Variants in EYS observed in about 807,000 individuals in gnomAD.
EYS encodes the protein protein eyes shut homolog.
EYS carries 250 observed loss-of-function variants against 282.1 expected under a neutral mutation model. The ratio of observed to expected loss-of-function variants is 0.89; its 90% CI spans 0.80 to 0.98. The LOEUF is 0.98. Ranked by LOEUF, EYS falls within the 50% of genes least tolerant of loss-of-function variation. The pLI is 0.00. For missense variants in EYS, 4,016 were observed against 3,709.0 expected (o/e 1.08, Z -2.15); for synonymous variants, 1,355 against 1,282.9 (o/e 1.06, Z -1.20).
intron 2 of EYS, among the ~76,000 whole-genome samples, chr6:65,617,191 G>A (rs1192446811): frequency 6.6e-6 from 1 of 151,812 alleles, no homozygotes; most frequent in Admixed American, 6.6e-5. Context: ...AAGAAATGTT[G>A]ACCTGGAGAA....
chr6:65,654,353 TA>T (rs1767748059), intron 1 of EYS, among the ~76,000 whole-genome samples: 1 of 151,848 alleles, frequency 6.6e-6, no homozygotes, highest in Non-Finnish European at 1.5e-5. Flanking sequence ...TAAGATTGTA[TA>T]CAAGAAATCC....
intron 2 of EYS, among the ~76,000 whole-genome samples, chr6:65,612,265 T>C: frequency 6.6e-6 from 1 of 151,138 alleles, no homozygotes; most frequent in East Asian, 1.9e-4. Flanking sequence ...ATGTATGACA[T>C]ATAATCCTGG....
chr6:64,040,899 A>AG (rs1036901855), intron 33 of EYS, among the ~76,000 whole-genome samples: 10 of 152,326 alleles, frequency 6.6e-5, no homozygotes, highest in African/African-American at 2.4e-4. Flanking sequence ...CACTGGTATA[A>AG]GGGGGAAAAA....
At chr6:63,919,259 G>A (rs1229724016) in intron 35 of EYS, among the ~76,000 whole-genome samples, 2 of 151,020 alleles carry the variant, frequency 1.3e-5, no homozygotes, top group East Asian at 2.0e-4. Context: ...AGAGAAGTGT[G>A]TGTGTGAGGG....
chr6:63,990,651 A>G (rs1040830281), intron 34 of EYS, among the ~76,000 whole-genome samples: 1 of 151,664 alleles, frequency 6.6e-6, no homozygotes, highest in African/African-American at 2.4e-5. Context: ...GGGATCAGAG[A>G]AAATTCTCAC....
chr6:65,659,435 A>G (rs111792782), intron 1 of EYS, among the ~76,000 whole-genome samples: 2,640 of 151,832 alleles, frequency 0.017, 84 homozygotes, highest in African/African-American at 0.061. Flanking sequence ...AAGGAATCCT[A>G]TGCTAAATCT....
intron 19 of EYS, among the ~76,000 whole-genome samples, chr6:64,838,270 G>T (rs1765449489): frequency 6.6e-6 from 1 of 151,774 alleles, no homozygotes; most frequent in South Asian, 2.1e-4. Flanking sequence ...TTAAACTGAT[G>T]AGCCTAAAGA....
chr6:64,613,775 A>G (rs1220085910), intron 24 of EYS, among the ~76,000 whole-genome samples: 1 of 152,168 alleles, frequency 6.6e-6, no homozygotes, highest in Admixed American at 6.6e-5. Flanking sequence ...TTTATGTTCA[A>G]AAATGCTACA....
At chr6:65,006,309 A>G (rs1249357463) in intron 13 of EYS, among the ~76,000 whole-genome samples, 1 of 152,008 alleles carries the variant, frequency 6.6e-6, no homozygotes, top group African/African-American at 2.4e-5. Context: ...TAAATTTAAA[A>G]CCTGTAATTG....
intron 19 of EYS, among the ~76,000 whole-genome samples, chr6:64,848,200 G>A (rs945725672): frequency 1.3e-5 from 2 of 151,926 alleles, no homozygotes; most frequent in Admixed American, 1.3e-4. Flanking sequence ...GCTTTCAATA[G>A]ATAATTGAGT....
intron 33 of EYS, among the ~76,000 whole-genome samples, chr6:64,010,678 C>T (rs778714959): frequency 3.3e-5 from 5 of 152,016 alleles, no homozygotes; most frequent in Non-Finnish European, 5.9e-5. Context: ...TTGTGTACTC[C>T]CATTCTTCAT....
chr6:64,539,604 T>C (rs1202705720), intron 26 of EYS, among the ~76,000 whole-genome samples: 2 of 151,852 alleles, frequency 1.3e-5, no homozygotes, highest in African/African-American at 4.8e-5. Flanking sequence ...AAAAATGGAA[T>C]CTTATTTGCT....
At chr6:64,034,104 C>T (rs928278542) in intron 33 of EYS, among the ~76,000 whole-genome samples, 1 of 152,120 alleles carries the variant, frequency 6.6e-6, no homozygotes, top group Non-Finnish European at 1.5e-5. Flanking sequence ...TCTGCAATAG[C>T]AGGGCAGTCA....
intron 26 of EYS, among the ~76,000 whole-genome samples, chr6:64,480,721 T>C (rs1367788050): frequency 6.6e-6 from 1 of 151,858 alleles, no homozygotes; most frequent in Non-Finnish European, 1.5e-5. Flanking sequence ...TCATGTAATT[T>C]GTCAAATGCA....
intron 5 of EYS, among the ~76,000 whole-genome samples, chr6:65,459,481 G>A (rs981699211): frequency 5.3e-5 from 8 of 151,734 alleles, no homozygotes; most frequent in South Asian, 4.2e-4. Context: ...ATCAATATTT[G>A]GAATATGCAA....
At chr6:64,794,328 C>T (rs925339975) in intron 22 of EYS, among the ~76,000 whole-genome samples, 3 of 152,088 alleles carry the variant, frequency 2.0e-5, no homozygotes, top group Admixed American at 2.0e-4. Flanking sequence ...TCACTAAAAT[C>T]TCATATTGAA....
chr6:64,976,145 C>T (rs936363539), intron 14 of EYS, among the ~76,000 whole-genome samples: 2 of 151,832 alleles, frequency 1.3e-5, no homozygotes, highest in Non-Finnish European at 2.9e-5. Flanking sequence ...GTAAAAGAAG[C>T]TATCAAACTT....
chr6:64,507,288 C>A (rs533196062), intron 26 of EYS, among the ~76,000 whole-genome samples: 1 of 151,964 alleles, frequency 6.6e-6, no homozygotes, highest in African/African-American at 2.4e-5. Flanking sequence ...TCTCAGCAAA[C>A]TATTGCAAGG....
intron 11 of EYS, among the ~76,000 whole-genome samples, chr6:65,318,250 C>T (rs1156577693): frequency 2.0e-5 from 3 of 151,870 alleles, no homozygotes; most frequent in Non-Finnish European, 2.9e-5. Flanking sequence ...CTCCTTTCCC[C>T]TTCTCACTCC....
Sources: allele counts gnomAD v4.1 joint callset (sites outside exome capture counted in the v4.1 genomes callset), GRCh38; gene constraint gnomAD v4.1.1; transcripts MANE v1.5; gene names NCBI Gene and HGNC (gene_info 2026-07-23, HGNC 2026-07-21).